Variants in TTLL11 observed in about 807,000 individuals in gnomAD.
TTLL11 encodes the protein tubulin polyglutamylase TTLL11.
Under a neutral mutation model 51.7 loss-of-function variants are expected in TTLL11, and 42 were observed. The ratio of observed to expected loss-of-function variants is 0.81; its 90% CI spans 0.64 to 1.05. The LOEUF (loss-of-function observed/expected upper bound fraction) is 1.05, where lower values mean the gene tolerates loss of function less well. TTLL11 is among the 50% of genes least tolerant of loss of function. The pLI is 0.00. For missense variants in TTLL11, 799 were observed against 940.4 expected (o/e 0.85, Z 1.97); for synonymous variants, 381 against 383.5 (o/e 0.99, Z 0.08).
intron 7 of TTLL11, among the ~76,000 whole-genome samples, chr9:121,864,997 A>T (rs1401062784): frequency 6.6e-6 from 1 of 152,168 alleles, no homozygotes; most frequent in Non-Finnish European, 1.5e-5. Flanking sequence ...AAGCTAACAA[A>T]TGATCAATAT....
chr9:121,921,906 G>C (rs917283428), intron 6 of TTLL11, among the ~76,000 whole-genome samples: 5 of 152,226 alleles, frequency 3.3e-5, no homozygotes, highest in South Asian at 2.1e-4. Flanking sequence ...GGTCTGCCCT[G>C]AAGAACCCTT....
chr9:121,940,696 A>G (rs1157685542), intron 6 of TTLL11, among the ~76,000 whole-genome samples: 1 of 152,004 alleles, frequency 6.6e-6, no homozygotes, highest in South Asian at 2.1e-4. Flanking sequence ...ATCATCCACC[A>G]CAGGAGAGGT....
At chr9:122,040,049 T>C (rs575335165) in intron 1 of TTLL11, among the ~76,000 whole-genome samples, 2 of 152,142 alleles carry the variant, frequency 1.3e-5, no homozygotes, top group Non-Finnish European at 2.9e-5. Flanking sequence ...GATTCTCTCT[T>C]CCAGGAATCT....
chr9:121,835,722 G>A (rs1389710032), intron 8 of TTLL11, among the ~76,000 whole-genome samples: 2 of 152,178 alleles, frequency 1.3e-5, no homozygotes, highest in Non-Finnish European at 2.9e-5. Context: ...ACAGCAGAGT[G>A]GCCCAGAGGT....
intron 6 of TTLL11, among the ~76,000 whole-genome samples, chr9:121,966,592 G>T (rs549128821): frequency 1.4e-4 from 22 of 152,310 alleles, no homozygotes; most frequent in Middle Eastern, 3.4e-3. Context: ...GACTTAGGCT[G>T]CCCTAATACC....
chr9:122,065,743 C>CT (rs1185620994), intron 1 of TTLL11, among the ~76,000 whole-genome samples: 1 of 152,180 alleles, frequency 6.6e-6, no homozygotes, highest in Non-Finnish European at 1.5e-5. Context: ...CCATCGTAGA[C>CT]TTATTCTGAG....
At chr9:122,010,098 A>G (rs1462228800) in intron 3 of TTLL11, among the ~76,000 whole-genome samples, 2 of 152,106 alleles carry the variant, frequency 1.3e-5, no homozygotes, top group Admixed American at 6.6e-5. Context: ...TTCATGTATT[A>G]ATATTGCCTC....
intron 1 of TTLL11, among the ~76,000 whole-genome samples, chr9:122,049,296 T>C (rs542172754): frequency 1.3e-5 from 2 of 152,206 alleles, no homozygotes; most frequent in African/African-American, 4.8e-5. Flanking sequence ...ATTAACCCGA[T>C]GATAAAGATT....
intron 3 of TTLL11, among the ~76,000 whole-genome samples, chr9:122,004,440 C>T (rs1843576364): frequency 6.6e-6 from 1 of 152,026 alleles, no homozygotes; most frequent in Non-Finnish European, 1.5e-5. Flanking sequence ...ACCTACACCT[C>T]CCAGGTTCAA....
At position 121,878,213 on chromosome 9, in the gene TTLL11, G is replaced by A. The variant is rs561015428; in HGVS notation, c.1482-7465C>T. ...GCTAAAGCAGGAGGATGGAGCCTAC[G>A]CCTAGCACAAAACGGCCACATTGTT... On this transcript the variant is annotated intron_variant, in intron 6 of 8. Coordinates refer to ENST00000321582, the MANE Select transcript of TTLL11 (RefSeq NM_001139442.2). 5.9e-5 allele frequency among the ~76,000 whole-genome samples: 9 copies of A among 152,266 alleles called. 1 individual carries two copies. The South Asian group carries it at 1.7e-3, about 28-fold the overall frequency.
intron 6 of TTLL11, among the ~76,000 whole-genome samples, chr9:121,917,657 G>A (rs548481834): frequency 6.8e-6 from 1 of 146,662 alleles, no homozygotes; most frequent in African/African-American, 2.5e-5. Context: ...AGGAAGGGAA[G>A]GAAAGAAAGG....
intron 6 of TTLL11, among the ~76,000 whole-genome samples, chr9:121,893,043 T>G (rs771912924): frequency 6.6e-6 from 1 of 152,220 alleles, no homozygotes; most frequent in Non-Finnish European, 1.5e-5. Context: ...CTAAGTATTA[T>G]TATTAGGCAT....
chr9:122,040,250 G>T, intron 1 of TTLL11: 1 of 527,442 alleles, frequency 1.9e-6, no homozygotes, highest in Non-Finnish European at 2.4e-6. Flanking sequence ...CAGACTGAGT[G>T]GCCTCAGACC....
At chr9:121,964,471 T>A (rs1361872430) in intron 6 of TTLL11, among the ~76,000 whole-genome samples, 1 of 152,010 alleles carries the variant, frequency 6.6e-6, no homozygotes, top group Non-Finnish European at 1.5e-5. Context: ...CTAATTTTTA[T>A]ATTTTTAGTA....
rs182367951 is a variant in TTLL11, at chr9:121,989,299, T to C, written c.1165A>G (p.Ile389Val). 371 of 1,614,118 alleles carry C rather than the reference T, an allele frequency of 2.3e-4. 4 individuals are homozygous for C. The highest frequency in any genetic ancestry group is 4.5e-5 in the East Asian group (2 of 44,886). The change falls in exon 4 of 9, where the codon ATC becomes GTC. Residue 389 changes from isoleucine (I) to valine (V), a missense_variant. Ile to Val is a conservative substitution (Grantham distance 29, BLOSUM62 3). Coordinates refer to ENST00000321582, the MANE Select transcript of TTLL11 (RefSeq NM_001139442.2). The surrounding 1 kb of genome is among the most constrained non-coding windows in gnomAD (Gnocchi z 4.2). ...GVDIKKVWSDIISVVIKTVIA... is the reference protein window; with the variant it reads ...GVDIKKVWSDVISVVIKTVIA... The stretch of plus-strand genomic sequence containing the variant: ...ACCGTCTTAATCACCACGGAGATGA[T>C]GTCAGACCAGACCTTCTTGATGTCA...
chr9:121,844,480 G>C (rs1666756449), intron 8 of TTLL11, among the ~76,000 whole-genome samples: 1 of 152,072 alleles, frequency 6.6e-6, no homozygotes. Context: ...AACATTACAA[G>C]ACCTGCTAAA....
At chr9:121,916,640 T>G (rs898817506) in intron 6 of TTLL11, among the ~76,000 whole-genome samples, 1 of 152,178 alleles carries the variant, frequency 6.6e-6, no homozygotes, top group Non-Finnish European at 1.5e-5. Context: ...AGGAAGCACT[T>G]TCTGAGTTGG....
intron 4 of TTLL11, among the ~76,000 whole-genome samples, chr9:121,981,090 G>GT (rs552008807): frequency 1.3e-5 from 2 of 149,790 alleles, no homozygotes; most frequent in Non-Finnish European, 1.5e-5. Context: ...TGGGTTTATA[G>GT]TTTTTTTTCA....
chr9:121,903,108 C>T (rs1564297202), intron 6 of TTLL11, among the ~76,000 whole-genome samples: 1 of 152,182 alleles, frequency 6.6e-6, no homozygotes, highest in African/African-American at 2.4e-5. Flanking sequence ...GGCCAACTCT[C>T]AGAGGCCTGC....
Sources: allele counts gnomAD v4.1 joint callset (sites outside exome capture counted in the v4.1 genomes callset), GRCh38; gene constraint gnomAD v4.1.1; non-coding constraint Gnocchi (gnomAD v3.1); transcripts MANE v1.5; gene names NCBI Gene and HGNC (gene_info 2026-07-23, HGNC 2026-07-21).